Variants in AHCY observed in about 807,000 individuals in gnomAD.
AHCY encodes the protein S-adenosyl-L-homocysteine hydrolase.
In AHCY, 24 loss-of-function variants were observed where a neutral mutation model predicts 45.4. The observed-to-expected ratio is 0.53, with a 90% CI of 0.38 to 0.74. AHCY has a LOEUF of 0.74. Among genes scored for constraint, AHCY ranks in the 30% least tolerant of loss-of-function variants. AHCY has a pLI of 0.00. For synonymous variants in AHCY, 245 were observed against 235.1 expected (o/e 1.04, Z -0.39); for missense variants, 449 against 594.1 (o/e 0.76, Z 2.54).
chr20:34,308,946 G>T (rs1407183113), intron 1 of AHCY, among the ~76,000 whole-genome samples: 1 of 148,088 alleles, frequency 6.8e-6, no homozygotes, highest in African/African-American at 2.5e-5. Flanking sequence ...GAGCCACTGC[G>T]CCTGGCCAAT....
At chr20:34,243,268 T>C in the AHCY span, among the ~76,000 whole-genome samples, 1 of 152,198 alleles carries the variant, frequency 6.6e-6, no homozygotes, top group African/African-American at 2.4e-5. Context: ...ATATGGTTCT[T>C]GGTCTCAAAG....
the AHCY span, among the ~76,000 whole-genome samples, chr20:34,254,211 C>T: frequency 1.3e-5 from 2 of 152,130 alleles, no homozygotes; most frequent in African/African-American, 2.4e-5. Flanking sequence ...TACAGGCATG[C>T]GCCACCACAC....
chr20:34,262,663 G>A, the AHCY span, among the ~76,000 whole-genome samples: 13 of 152,068 alleles, frequency 8.5e-5, no homozygotes, highest in South Asian at 2.1e-4. Flanking sequence ...GTCAGTAGCC[G>A]GGCTAACAAG....
Position 34,280,552 on chromosome 20 carries a change from A to G in AHCY, c.*482T>C. ...TGTAATGAGGTTTAAGAGAAGGCCCAGCACTAAGCCAGGCTCTCAGGAAAA... is the reference window on the plus strand; with the variant it reads ...TGTAATGAGGTTTAAGAGAAGGCCCGGCACTAAGCCAGGCTCTCAGGAAAA... On this transcript the variant is annotated 3_prime_UTR_variant, in exon 10 of 10. Transcript: ENST00000217426. 1 of 238,228 alleles carries G rather than the reference A, an allele frequency of 4.2e-6. No individual in the cohort carries two copies. Among genetic ancestry groups the G allele is most frequent in the Non-Finnish European group, 8.4e-6 (1 of 119,596 alleles). The allele number at this position is 238,228 out of a possible 1,614,324, so 14.8% of individuals were successfully genotyped here. A position where few individuals can be genotyped will look rare whatever the true frequency, so the allele number is the denominator to read the frequency against.
chr20:34,293,930 C>A, intron 3 of AHCY, 151 bp downstream of exon 3: 1 of 793,794 alleles, frequency 1.3e-6, no homozygotes, highest in Non-Finnish European at 2.2e-6. Flanking sequence ...CAAAGCAGCT[C>A]TTTCCTGTGG....
At chr20:34,299,700 T>G (rs979282655) in intron 1 of AHCY, among the ~76,000 whole-genome samples, 2 of 152,208 alleles carry the variant, frequency 1.3e-5, no homozygotes, top group Non-Finnish European at 2.9e-5. Flanking sequence ...CATGGCTCCT[T>G]TGCCCCCACT....
At chr20:34,307,906 A>G (rs970591909), upstream of AHCY, among the ~76,000 whole-genome samples, 7 of 151,654 alleles carry the variant, frequency 4.6e-5, no homozygotes, top group Non-Finnish European at 8.8e-5. Context: ...CTGGGTACGA[A>G]GCACAGCACC....
intron 2 of AHCY, among the ~76,000 whole-genome samples, chr20:34,294,848 G>A (rs917843884): frequency 2.6e-5 from 4 of 152,164 alleles, no homozygotes; most frequent in Non-Finnish European, 2.9e-5. Flanking sequence ...AAATCAGACC[G>A]CCAAGAGTGA....
chr20:34,236,071 A>G, the AHCY span, among the ~76,000 whole-genome samples: 1 of 145,910 alleles, frequency 6.9e-6, no homozygotes, highest in Non-Finnish European at 1.5e-5. Context: ...AGAGAGAAAG[A>G]AAGAGAAAGA....
chr20:34,269,946 T>TAA, the AHCY span, among the ~76,000 whole-genome samples: 892 of 59,136 alleles, frequency 0.015, 45 homozygotes, highest in Non-Finnish European at 0.02. Flanking sequence ...AACTCTGTCT[T>TAA]AAAAAAAAAA....
At chr20:34,303,890 G>A (rs1417282940), upstream of AHCY, among the ~76,000 whole-genome samples, 1 of 152,286 alleles carries the variant, frequency 6.6e-6, no homozygotes, top group East Asian at 1.9e-4. Flanking sequence ...CAGCTACTTG[G>A]GACGCGGAGG....
chr20:34,258,748 TATATA>T, the AHCY span, among the ~76,000 whole-genome samples: 7 of 84,940 alleles, frequency 8.2e-5, no homozygotes, highest in South Asian at 3.0e-4. Context: ...ATATATACTA[TATATA>T]ATATATGATA....
At chr20:34,297,774 T>A (rs2036621703) in intron 1 of AHCY, among the ~76,000 whole-genome samples, 1 of 152,092 alleles carries the variant, frequency 6.6e-6, no homozygotes, top group Non-Finnish European at 1.5e-5. Context: ...AGGCCACTTT[T>A]CCCCTATGGA....
the AHCY span, among the ~76,000 whole-genome samples, chr20:34,235,883 A>AGG: frequency 9.8e-6 from 1 of 102,382 alleles, no homozygotes; most frequent in Non-Finnish European, 1.9e-5. Flanking sequence ...GGAAGGAAGG[A>AGG]AGGAAGGAAG....
the AHCY span, among the ~76,000 whole-genome samples, chr20:34,274,167 C>A: frequency 6.6e-6 from 1 of 152,144 alleles, no homozygotes; most frequent in Non-Finnish European, 1.5e-5. Flanking sequence ...CTGCTCGAGG[C>A]CTGTGTGGTC....
At chr20:34,298,172 T>C (rs571808505) in intron 1 of AHCY, among the ~76,000 whole-genome samples, 117 of 152,042 alleles carry the variant, frequency 7.7e-4, no homozygotes, top group Admixed American at 1.8e-3. Context: ...AGCTGTCCTG[T>C]GGGCGGCAAG....
chr20:34,245,840 G>A, the AHCY span: 2 of 765,200 alleles, frequency 2.6e-6, no homozygotes, highest in Non-Finnish European at 3.3e-6. Context: ...TTTTACTGTA[G>A]AATATATATA....
the AHCY span, among the ~76,000 whole-genome samples, chr20:34,252,849 T>C: frequency 2.0e-5 from 3 of 152,186 alleles, no homozygotes; most frequent in Non-Finnish European, 4.4e-5. Context: ...CCCTGGTTAA[T>C]CGAGAATGGA....
At position 34,285,629 on chromosome 20, in the gene AHCY, G is replaced by A; in HGVS notation, c.978C>T (p.Asp326=). 5 of 1,613,150 alleles carry A rather than the reference G, an allele frequency of 3.1e-6. No homozygotes were observed. The highest frequency in any genetic ancestry group is 4.2e-6 in the Non-Finnish European group (5 of 1,179,952). The change falls in exon 9 of 10, where the codon GAC becomes GAT. Residue 326 remains aspartate, a synonymous_variant. Transcript: ENST00000217426. ...VEKVNIKPQV[D]RYRLKNGRRI... ...GGCGCCCATTCTTCAACCGATACCG[G>A]TCCACCTACACGCAGGCAGGGCAAC...
Sources: gnomAD v4.1 joint callset for allele counts (sites outside exome capture counted in the v4.1 genomes callset) on GRCh38, gnomAD v4.1.1 for gene constraint, MANE v1.5 for transcripts, NCBI Gene and HGNC (gene_info 2026-07-23, HGNC 2026-07-21) for gene names.